SH3GLB2: variants seen among roughly 807,000 people sequenced by gnomAD.
The protein encoded by SH3GLB2 is endophilin-B2.
In SH3GLB2, 24 loss-of-function variants were observed where a neutral mutation model predicts 48.0. The ratio of observed to expected loss-of-function variants is 0.50; its 90% CI spans 0.36 to 0.70. The LOEUF (loss-of-function observed/expected upper bound fraction) is 0.70. Ranked by LOEUF, SH3GLB2 falls within the 30% of genes least tolerant of loss-of-function variation. The pLI is 0.00. For missense variants in SH3GLB2, 425 were observed against 516.0 expected (o/e 0.82, Z 1.71); for synonymous variants, 227 against 207.6 (o/e 1.09, Z -0.80).
chr9:129,012,577 A>G (rs1049625721), intron 5 of SH3GLB2: 1 of 420,418 alleles, frequency 2.4e-6, no homozygotes, highest in Non-Finnish European at 4.2e-6. Flanking sequence ...CTGCCTGAGC[A>G]AGTCACAGGC....
intron 5 of SH3GLB2, chr9:129,012,812 T>C: frequency 8.1e-6 from 5 of 614,502 alleles, no homozygotes; most frequent in Non-Finnish European, 1.4e-5. Context: ...CGTCCAACAT[T>C]TGCAAAAAGC....
At position 129,014,671 on chromosome 9, in the gene SH3GLB2, A is replaced by C; in HGVS notation, c.468+100T>G. The C allele has an allele frequency of 6.5e-7, 1 of 1,538,654 alleles. No homozygotes were observed. The highest frequency in any genetic ancestry group is 8.8e-7 in the Non-Finnish European group (1 of 1,136,118). On this transcript the variant is annotated intron_variant, in intron 4 of 10. Coordinates refer to ENST00000372564, the MANE Select transcript of SH3GLB2 (RefSeq NM_020145.4). The surrounding 1 kb of genome is among the most constrained non-coding windows in gnomAD (Gnocchi z 4.1). The stretch of plus-strand genomic sequence containing the variant: ...GAGCCCTCTCTGGGGAGGCCTCAGG[A>C]GTTTTGTAGCCCCAGCACTGGAAGA...
intron 7 of SH3GLB2, chr9:129,010,458 G>T: frequency 1.5e-6 from 1 of 649,890 alleles, no homozygotes; most frequent in Non-Finnish European, 2.7e-6. Context: ...CACCCAGCAA[G>T]TGCATCCTGA....
chr9:129,022,795 A>G lies in SH3GLB2; in HGVS notation c.64-372T>C, dbSNP rs546880851. Among the ~76,000 whole-genome samples, 7 of 152,302 alleles carry G rather than the reference A, an allele frequency of 4.6e-5. 1 individual carries two copies. In the East Asian group the frequency reaches 1.4e-3, roughly 29 times the overall value. On this transcript the variant is annotated intron_variant, in intron 1 of 10. Coordinates refer to ENST00000372564, the MANE Select transcript of SH3GLB2 (RefSeq NM_020145.4). ...CTGACTCTGAAGGAGAGGACTTGGT[A>G]GAAAGTACTCGGGACAAACAGGGCA...
At chr9:129,012,319 T>C (rs768353956) in intron 5 of SH3GLB2, 21 bp from the exon 6 acceptor site, 4 of 1,284,292 alleles carry the variant, frequency 3.1e-6, no homozygotes, top group Non-Finnish European at 4.0e-6. Context: ...ACAGAGTTCA[T>C]GTGGGGAGGG....
In SH3GLB2 at chr9:129,014,039, T is replaced by C; in HGVS notation, c.561+372A>G. 4.1e-6 allele frequency: 2 copies of C among 491,632 alleles called. No individual in the cohort carries two copies. Among genetic ancestry groups the C allele is most frequent in the Non-Finnish European group, 8.0e-6 (2 of 250,612 alleles). 30.5% of individuals were successfully genotyped at this position (491,632 alleles called of 1,614,324 possible). A position where few individuals can be genotyped will look rare whatever the true frequency, so the allele number is the denominator to read the frequency against. ...AGCACAGGGACCCTCGGCCTGACGT[T>C]CAAGCAGCAAGTAGTAGAGTTAGTA... is the stretch of plus-strand genomic sequence containing the variant. On this transcript the variant is annotated intron_variant, in intron 5 of 10. Transcript: ENST00000372564. The surrounding 1 kb of genome is among the most constrained non-coding windows in gnomAD (Gnocchi z 4.1).
chr9:129,010,665 C>G lies in SH3GLB2; in HGVS notation c.648+5G>C. The G allele has an allele frequency of 1.2e-6, 2 of 1,614,036 alleles. No individual in the cohort carries two copies. The highest frequency in any genetic ancestry group is 8.5e-7 in the Non-Finnish European group (1 of 1,179,974). ...TCGAGCCCAGCCCCCCAGGCCCCAA[C>G]TTACCTTGTCCACTTCATCATTCCA... On this transcript the variant is annotated splice_donor_5th_base_variant and intron_variant, in intron 7 of 10. Transcript: ENST00000372564.
rs947818855 is a variant in SH3GLB2 at position 129,028,296 on chromosome 9, G to C, written c.-142C>G. On this transcript the variant is annotated 5_prime_UTR_variant, in exon 1 of 11. Coordinates refer to ENST00000372564, the MANE Select transcript of SH3GLB2 (RefSeq NM_020145.4). ...CGCCTGCCGGCCTGCCCGCCTGCCC[G>C]CCCGCCGCAGCCGCCGAGCCAGCCC... 4.7e-6 allele frequency: 2 copies of C among 424,872 alleles called. No homozygotes were observed. Among genetic ancestry groups the C allele is most frequent in the Non-Finnish European group, 6.3e-6 (2 of 319,880 alleles). 26.3% of individuals were successfully genotyped at this position (424,872 alleles called of 1,614,324 possible).
chr9:129,009,693 CAG>C (rs2131224529), intron 9 of SH3GLB2, 76 bp downstream of exon 9: 1 of 1,449,274 alleles, frequency 6.9e-7, no homozygotes, highest in African/African-American at 1.4e-5. Context: ...AGGACTTGCC[CAG>C]AGGAGCTCAT....
chr9:129,013,467 C>A, intron 5 of SH3GLB2: 1 of 192,930 alleles, frequency 5.2e-6, no homozygotes, highest in Non-Finnish European at 1.1e-5. Context: ...AAGAGGTCAT[C>A]CCAATAGGCA....
chr9:129,024,155 C>T (rs1843990272), intron 1 of SH3GLB2, among the ~76,000 whole-genome samples: 2 of 150,684 alleles, frequency 1.3e-5, no homozygotes, highest in Admixed American at 1.3e-4. Flanking sequence ...GGTGCAGTGG[C>T]TCATGCCTAT....
At chr9:129,016,135 G>T (rs907742608) in intron 3 of SH3GLB2, among the ~76,000 whole-genome samples, 1 of 151,864 alleles carries the variant, frequency 6.6e-6, no homozygotes, top group Admixed American at 6.6e-5. Context: ...TTGAGGTCAG[G>T]AGTTCGAGAC....
chr9:129,012,856 C>T (rs1195659591), intron 5 of SH3GLB2: 1 of 947,132 alleles, frequency 1.1e-6, no homozygotes, highest in Non-Finnish European at 1.6e-6. Context: ...GCATCCCCCC[C>T]TAAACCAGAG....
chr9:129,016,949 CTCT>C (rs781116331), intron 3 of SH3GLB2, among the ~76,000 whole-genome samples: 3 of 142,120 alleles, frequency 2.1e-5, no homozygotes, highest in South Asian at 4.4e-4. Flanking sequence ...GAATACTCTG[CTCT>C]TTTTTTTTTT....
At chr9:129,010,768 G>A (rs1843072087) in intron 6 of SH3GLB2, 75 bp from the exon 7 acceptor site, 11 of 1,577,752 alleles carry the variant, frequency 7.0e-6, no homozygotes, top group Non-Finnish European at 9.6e-6. Flanking sequence ...CCTGTGCCCT[G>A]CCCCAGCTCC....
chr9:129,023,358 C>T (rs1457995288), intron 1 of SH3GLB2, among the ~76,000 whole-genome samples: 1 of 152,160 alleles, frequency 6.6e-6, no homozygotes, highest in East Asian at 1.9e-4. Context: ...TGGTCCAAGT[C>T]CTGGCCCCTC....
At chr9:129,016,746 C>T (rs183856201) in intron 3 of SH3GLB2, among the ~76,000 whole-genome samples, 3 of 151,950 alleles carry the variant, frequency 2.0e-5, no homozygotes, top group Admixed American at 2.0e-4. Flanking sequence ...CGTGGCTATA[C>T]TACTACCAGA....
rs534533629 is a variant in SH3GLB2, at chr9:129,014,748, C to T, written c.468+23G>A. The T allele has an allele frequency of 3.1e-5, 49 of 1,604,064 alleles. No individual in the cohort carries two copies. The South Asian group carries it at 3.4e-4, about 11-fold the overall frequency. ...GGGAACTGCCATGGTTACCAGGAAG[C>T]GGAATAGTCCCAGGGCCCTCACCGA... On this transcript the variant is annotated intron_variant, in intron 4 of 10. Coordinates refer to ENST00000372564, the MANE Select transcript of SH3GLB2 (RefSeq NM_020145.4). This position sits in a 1 kb window ranked among gnomAD's most constrained non-coding sequence, Gnocchi z 4.1.
Position 129,011,839 on chromosome 9 carries a change from G to A in SH3GLB2, c.624+397C>T, listed in dbSNP as rs988009216. The A allele has an allele frequency of 1.2e-4, 23 of 187,222 alleles. No homozygotes were observed. The highest frequency in any genetic ancestry group is 4.0e-4 in the African/African-American group (17 of 42,948). The allele number at this position is 187,222 out of a possible 1,614,324, so 11.6% of individuals were successfully genotyped here. On this transcript the variant is annotated intron_variant, in intron 6 of 10. Coordinates refer to ENST00000372564, the MANE Select transcript of SH3GLB2 (RefSeq NM_020145.4). The surrounding 1 kb of genome is among the most constrained non-coding windows in gnomAD (Gnocchi z 4.5). ...CCCTGCCTCCTGTCTTTAGGGGTCT[G>A]TGAACTCCAGAAAGGCACGGCCAGG...
Sources: allele counts gnomAD v4.1 joint callset (sites outside exome capture counted in the v4.1 genomes callset), GRCh38; gene constraint gnomAD v4.1.1; non-coding constraint Gnocchi (gnomAD v3.1); transcripts MANE v1.5; gene names NCBI Gene and HGNC (gene_info 2026-07-23, HGNC 2026-07-21).